Variants in TMEM131L observed in about 807,000 individuals in gnomAD.
TMEM131L encodes transmembrane protein 131-like.
Under a neutral mutation model 192.2 loss-of-function variants are expected in TMEM131L, and 54 were observed. The ratio of observed to expected loss-of-function variants is 0.28; its 90% CI spans 0.23 to 0.35. The LOEUF is 0.35. Among genes scored for constraint, TMEM131L ranks in the 10% least tolerant of loss-of-function variants. The pLI, the probability that TMEM131L is intolerant of heterozygous loss-of-function variation, is 1.00. For synonymous variants in TMEM131L, 701 were observed against 704.9 expected, an observed-to-expected ratio of 0.99 and a Z score of 0.09; for missense variants, 1,888 against 1,972.9, an observed-to-expected ratio of 0.96 and a Z score of 0.82.
In TMEM131L at chr4:153,603,618, C is replaced by T. The variant is rs553798213; in HGVS notation, c.2789+166C>T. On this transcript the variant is annotated intron_variant, in intron 24 of 34. Transcript: ENST00000409959. ...TGCCCCATTATTATTATGAGATAGT[C>T]TCCATGCAAGGACTTAGTTGATGGG... The T allele has an allele frequency of 1.4e-4, 134 of 984,414 alleles. 2 individuals carry two copies. In the South Asian group the frequency reaches 2.2e-3, roughly 16 times the overall value. The allele number at this position is 984,414 out of a possible 1,614,324, so 61.0% of individuals were successfully genotyped here. A position where few individuals can be genotyped will look rare whatever the true frequency, so the allele number is the denominator to read the frequency against.
At chr4:153,534,655 T>A (rs576843272) in intron 3 of TMEM131L, among the ~76,000 whole-genome samples, 3 of 152,220 alleles carry the variant, frequency 2.0e-5, no homozygotes, top group Admixed American at 1.3e-4. Context: ...GGATGGTCTC[T>A]ATCTCCTGAC....
intron 3 of TMEM131L, among the ~76,000 whole-genome samples, chr4:153,527,538 G>T (rs1004766355): frequency 6.6e-6 from 1 of 152,160 alleles, no homozygotes; most frequent in Non-Finnish European, 1.5e-5. Flanking sequence ...TGGCCTCTCA[G>T]TGTGCTAGGA....
chr4:153,555,550 C>T lies in TMEM131L; in HGVS notation c.309-237C>T, dbSNP rs1271505025. On this transcript the variant is annotated intron_variant, in intron 4 of 34. Transcript: ENST00000409959. This position sits in a 1 kb window ranked among gnomAD's most constrained non-coding sequence, Gnocchi z 4.1. ...TTCTAACACTGAAACCAATGGAGTG[C>T]TACTGTGGGTTGGCCTAAGCCTTAT... Among the ~76,000 whole-genome samples the T allele has an allele frequency of 6.6e-6, 1 of 152,132 alleles. No homozygotes were observed. Among genetic ancestry groups the T allele is most frequent in the Non-Finnish European group, 1.5e-5 (1 of 68,024 alleles).
At chr4:153,594,067 CT>C (rs1462928043) in intron 19 of TMEM131L, among the ~76,000 whole-genome samples, 196 bp downstream of exon 19, 2 of 152,054 alleles carry the variant, frequency 1.3e-5, no homozygotes, top group African/African-American at 4.8e-5. Flanking sequence ...TATGTTAGCT[CT>C]AAATCATTTT....
intron 15 of TMEM131L, among the ~76,000 whole-genome samples, chr4:153,588,495 C>T (rs1164781109): frequency 6.6e-6 from 1 of 151,030 alleles, no homozygotes. Context: ...CTTTCAAGAA[C>T]TACTGTTTTC....
intron 3 of TMEM131L, among the ~76,000 whole-genome samples, chr4:153,484,238 A>G (rs1055078549): frequency 1.3e-5 from 2 of 152,180 alleles, no homozygotes; most frequent in African/African-American, 2.4e-5. Flanking sequence ...TAAACAAAAG[A>G]ATGTTATCAT....
chr4:153,589,416 G>C lies in TMEM131L; in HGVS notation c.1670+409G>C, dbSNP rs116305321. ...CCAGGACAGTTGACCTGATGACTGA[G>C]ATGGCTACTAAGTGACTAGCAGGCA... On this transcript the variant is annotated intron_variant, in intron 16 of 34. Coordinates refer to ENST00000409959, the MANE Select transcript of TMEM131L (RefSeq NM_001131007.2). 2.4e-3 allele frequency among the ~76,000 whole-genome samples: 372 copies of C among 152,280 alleles called. 4 individuals carry two copies. The highest frequency in any genetic ancestry group is 8.5e-3 in the African/African-American group (353 of 41,556).
At chr4:153,480,979 A>G (rs1731901453) in intron 3 of TMEM131L, among the ~76,000 whole-genome samples, 1 of 152,258 alleles carries the variant, frequency 6.6e-6, no homozygotes, top group African/African-American at 2.4e-5. Context: ...TTTGTCCTAC[A>G]TCCTTTCCTG....
intron 17 of TMEM131L, among the ~76,000 whole-genome samples, chr4:153,591,576 C>T (rs1731069256): frequency 6.6e-6 from 1 of 152,152 alleles, no homozygotes; most frequent in Admixed American, 6.5e-5. Context: ...CCATCCTTAG[C>T]GTGTTGACTT....
rs1345283269 is a variant in TMEM131L at position 153,555,888 on chromosome 4, A to G, written c.410A>G (p.His137Arg). The change falls in exon 5 of 35, where the codon CAT (histidine) becomes CGT (arginine). Residue 137 changes from histidine to arginine, a missense_variant. His to Arg is a conservative substitution (Grantham distance 29). Transcript: ENST00000409959. The surrounding 1 kb of genome is among the most constrained non-coding windows in gnomAD (Gnocchi z 4.1). ...NSVFAAAGHF[H>R]VPPVPCRVIP... The stretch of plus-strand genomic sequence containing the variant: ...GTGTTTGCAGCTGCTGGACATTTCC[A>G]TGTACCGCCAGTTCCCTGCAGGGTG... The G allele has an allele frequency of 1.9e-6, 3 of 1,551,432 alleles. No homozygotes were observed. The highest frequency in any genetic ancestry group is 1.2e-5 in the South Asian group (1 of 84,042).
Position 153,580,903 on chromosome 4 carries a change from G to C in TMEM131L, c.738G>C (p.Lys246Asn). ...ATAATAAAGTGTGTCAGCAATTAAA[G>C]GTAAAATAAAATGTGTAGTGTTTTC... ...SLHNKVCQQLKGCYLESDDVL... is the reference protein window; with the variant it reads ...SLHNKVCQQLNGCYLESDDVL... Residue 246 changes from lysine (K) to asparagine (N), a missense_variant and splice_region_variant, in exon 8 of 35, where the codon AAG (lysine) becomes AAC (asparagine). Transcript: ENST00000409959. 1 of 1,591,946 alleles carries C rather than the reference G, an allele frequency of 6.3e-7. No individual in the cohort carries two copies. The highest frequency in any genetic ancestry group is 8.6e-7 in the Non-Finnish European group (1 of 1,160,148).
intron 3 of TMEM131L, among the ~76,000 whole-genome samples, chr4:153,478,048 G>GT (rs1731676677): frequency 6.6e-6 from 1 of 152,052 alleles, no homozygotes; most frequent in Non-Finnish European, 1.5e-5. Flanking sequence ...TAATTTATAT[G>GT]TTTTATCTTC....
At chr4:153,501,173 A>G (rs1164345304) in intron 3 of TMEM131L, among the ~76,000 whole-genome samples, 4 of 151,776 alleles carry the variant, frequency 2.6e-5, no homozygotes, top group Admixed American at 1.3e-4. Context: ...AGTGGGACTT[A>G]TAATGCCCAC....
At chr4:153,596,620 A>T (rs757478019) in intron 20 of TMEM131L, among the ~76,000 whole-genome samples, 2 of 152,074 alleles carry the variant, frequency 1.3e-5, no homozygotes, top group Admixed American at 6.5e-5. Context: ...TCTCCAGGAG[A>T]GGTAGTGCTT....
At chr4:153,592,281 A>G (rs1424379198) in intron 17 of TMEM131L, among the ~76,000 whole-genome samples, 194 bp from the exon 18 acceptor site, 1 of 151,766 alleles carries the variant, frequency 6.6e-6, no homozygotes, top group Middle Eastern at 3.2e-3. Context: ...GTCTCCTTTA[A>G]TCTTCCCCAG....
intron 25 of TMEM131L, 114 bp from the exon 26 acceptor site, chr4:153,612,138 C>A: frequency 2.9e-6 from 2 of 686,136 alleles, no homozygotes; most frequent in Admixed American, 3.8e-5. Context: ...AAAAACAATG[C>A]TAAATTTAAT....
At chr4:153,498,960 G>A (rs553457523) in intron 3 of TMEM131L, among the ~76,000 whole-genome samples, 2 of 152,338 alleles carry the variant, frequency 1.3e-5, no homozygotes, top group South Asian at 2.1e-4. Context: ...TGCATTTGGG[G>A]TATGTAAGCC....
chr4:153,542,166 C>T lies in TMEM131L; in HGVS notation c.240-7907C>T, dbSNP rs76294526. Among the ~76,000 whole-genome samples the T allele has an allele frequency of 5.2e-3, 798 of 152,140 alleles. 11 individuals are homozygous for T. The East Asian group carries it at 0.082, about 16-fold the overall frequency. On this transcript the variant is annotated intron_variant, in intron 3 of 34. Transcript: ENST00000409959. ...AAACCCACTGGATAGGTACAATAGG[C>T]TAGAGTGAGAAAAGAGTAGAGGAAG... is the stretch of plus-strand genomic sequence containing the variant.
chr4:153,557,523 A>G lies in TMEM131L; in HGVS notation c.549+441A>G, dbSNP rs187481487. 1.0e-3 allele frequency among the ~76,000 whole-genome samples: 154 copies of G among 152,270 alleles called. 1 individual carries two copies. The highest frequency in any genetic ancestry group is 1.2e-3 in the Non-Finnish European group (82 of 68,026). On this transcript the variant is annotated intron_variant, in intron 6 of 34. Transcript: ENST00000409959. ...ATTGTGTGCTTGGAGGCTGGTTCCA[A>G]GGGAGCTCACTATTCATATCAAGGT...
Sources: allele counts gnomAD v4.1 joint callset (sites outside exome capture counted in the v4.1 genomes callset), GRCh38; gene constraint gnomAD v4.1.1; non-coding constraint Gnocchi (gnomAD v3.1); transcripts MANE v1.5; gene names NCBI Gene and HGNC (gene_info 2026-07-23, HGNC 2026-07-21).